The following SLC22A4 variants were observed in gnomAD, a reference collection of about 807,000 sequenced individuals.
SLC22A4 encodes solute carrier family 22 member 4, also known as ET transporter.
A neutral mutation model predicts 56.6 loss-of-function variants in SLC22A4; 39 were observed. That is an observed-to-expected ratio of 0.69 (90% CI 0.53 to 0.90). SLC22A4 has a LOEUF of 0.90. Ranked by LOEUF, SLC22A4 falls within the 40% of genes least tolerant of loss-of-function variation. SLC22A4 has a pLI of 0.00. For synonymous variants in SLC22A4, 241 were observed against 281.4 expected, an observed-to-expected ratio of 0.86 and a Z score of 1.44; for missense variants, 594 against 696.5, an observed-to-expected ratio of 0.85 and a Z score of 1.66.
chr5:132,294,864 G>C lies in SLC22A4; in HGVS notation c.248G>C (p.Arg83Pro). Residue 83 changes from arginine (R) to proline (P), a missense_variant, in exon 1 of 10, where the codon CGC (arginine) becomes CCC (proline). Coordinates refer to ENST00000200652, the MANE Select transcript of SLC22A4 (RefSeq NM_003059.3). This position sits in a 1 kb window ranked among gnomAD's most constrained non-coding sequence, Gnocchi z 5.6. ...CGCGAGGTGCCCCACAGCTGCAGCC[G>C]CTACCGGCTCGCCACCATCGCCAAC... ...DGREVPHSCS[R>P]YRLATIANFS... 6.2e-7 allele frequency: 1 copy of C among 1,607,570 alleles called. No homozygotes were observed. The highest frequency in any genetic ancestry group is 8.5e-7 in the Non-Finnish European group (1 of 1,177,802).
intron 9 of SLC22A4, among the ~76,000 whole-genome samples, chr5:132,342,332 C>G (rs759987114): frequency 6.6e-5 from 10 of 152,202 alleles, no homozygotes; most frequent in Non-Finnish European, 8.8e-5. Context: ...GAAGAAGTCA[C>G]TTCAGTGTCC....
chr5:132,331,527 G>A (rs557769285), intron 5 of SLC22A4, among the ~76,000 whole-genome samples: 1 of 152,108 alleles, frequency 6.6e-6, no homozygotes, highest in Admixed American at 6.5e-5. Context: ...ACAGGGAAGG[G>A]GGTGTTATAT....
intron 5 of SLC22A4, among the ~76,000 whole-genome samples, chr5:132,328,527 C>A (rs1750746597): frequency 6.6e-6 from 1 of 152,094 alleles, no homozygotes; most frequent in Non-Finnish European, 1.5e-5. Context: ...TAATCCTTTG[C>A]CCTTCAAATC....
At chr5:132,336,955 C>T (rs1021963787) in intron 8 of SLC22A4, among the ~76,000 whole-genome samples, 2 of 152,156 alleles carry the variant, frequency 1.3e-5, no homozygotes, top group Non-Finnish European at 2.9e-5. Flanking sequence ...GAAAATCTTA[C>T]TTTTATACTG....
At chr5:132,327,242 G>A in intron 4 of SLC22A4, 35 bp from the exon 5 acceptor site, 1 of 1,477,968 alleles carries the variant, frequency 6.8e-7, no homozygotes. Context: ...CCCTGCTGTT[G>A]TGAAAAATTA....
Position 132,334,709 on chromosome 5 carries a change from T to A in SLC22A4, c.1047-9T>A, listed in dbSNP as rs765506721. On this transcript the variant is annotated splice_polypyrimidine_tract_variant and intron_variant, in intron 6 of 9. Coordinates refer to ENST00000200652, the MANE Select transcript of SLC22A4 (RefSeq NM_003059.3). ...CCATCCCTTTGTCATTTTTACCTTC[T>A]TCTTTCAGGATGCTGACCTCAGTGG... 4.4e-6 allele frequency: 7 copies of A among 1,602,322 alleles called. No individual in the cohort carries two copies. Among genetic ancestry groups the A allele is most frequent in the Non-Finnish European group, 6.0e-6 (7 of 1,169,202 alleles).
intron 2 of SLC22A4, 98 bp from the exon 3 acceptor site, chr5:132,313,516 G>T: frequency 8.6e-7 from 1 of 1,168,234 alleles, no homozygotes; most frequent in South Asian, 1.2e-5. Context: ...CCAGAGCCCT[G>T]AAAAAACACT....
At chr5:132,301,475 G>A (rs1749905727) in intron 1 of SLC22A4, among the ~76,000 whole-genome samples, 1 of 152,198 alleles carries the variant, frequency 6.6e-6, no homozygotes, top group Admixed American at 6.5e-5. Flanking sequence ...TGGTAGTGGA[G>A]TTGATGGAGC....
At chr5:132,332,888 G>A (rs979345637) in intron 6 of SLC22A4, among the ~76,000 whole-genome samples, 1 of 152,122 alleles carries the variant, frequency 6.6e-6, no homozygotes, top group African/African-American at 2.4e-5. Flanking sequence ...TTAAGCAAGT[G>A]TGTCCTAGGT....
At chr5:132,295,567 G>A (rs866798785) in intron 1 of SLC22A4, 1 of 304,966 alleles carries the variant, frequency 3.3e-6, no homozygotes. Flanking sequence ...AGGAAGCACA[G>A]AAGGCGAAAC....
chr5:132,322,839 T>C (rs1750583763), intron 4 of SLC22A4, among the ~76,000 whole-genome samples: 1 of 152,238 alleles, frequency 6.6e-6, no homozygotes, highest in Admixed American at 6.5e-5. Context: ...AGAAAATTAC[T>C]TTTTATTTAA....
chr5:132,318,241 CAT>C (rs1229427417), intron 3 of SLC22A4, among the ~76,000 whole-genome samples: 7 of 152,322 alleles, frequency 4.6e-5, no homozygotes, highest in Non-Finnish European at 8.8e-5. Flanking sequence ...ACTCCCCTGA[CAT>C]GTAGCACATT....
chr5:132,320,201 A>C (rs984995562), intron 3 of SLC22A4, among the ~76,000 whole-genome samples: 1 of 152,184 alleles, frequency 6.6e-6, no homozygotes, highest in African/African-American at 2.4e-5. Context: ...AGAGAGGGAG[A>C]TTATCCAGGA....
At chr5:132,320,142 C>A (rs984440010) in intron 3 of SLC22A4, among the ~76,000 whole-genome samples, 1 of 152,216 alleles carries the variant, frequency 6.6e-6, no homozygotes, top group African/African-American at 2.4e-5. Flanking sequence ...CTGTCCCCAA[C>A]ATGCACTCTG....
At chr5:132,337,790 C>T (rs1751072673) in intron 8 of SLC22A4, among the ~76,000 whole-genome samples, 1 of 150,456 alleles carries the variant, frequency 6.6e-6, no homozygotes, top group Non-Finnish European at 1.5e-5. Context: ...GGCTGGAGTA[C>T]AGTGGCGCAA....
chr5:132,295,085 G>A, intron 1 of SLC22A4, 76 bp downstream of exon 1: 1 of 1,487,996 alleles, frequency 6.7e-7, no homozygotes, highest in Non-Finnish European at 9.2e-7. Context: ...GAGACTCCCT[G>A]CGCAGTGCCC....
At chr5:132,300,511 AG>A (rs1028421362) in intron 1 of SLC22A4, among the ~76,000 whole-genome samples, 5 of 152,220 alleles carry the variant, frequency 3.3e-5, no homozygotes, top group African/African-American at 1.2e-4. Context: ...TCTTCTGAGA[AG>A]AAGAGCTTCC....
rs1284231620 is a variant in SLC22A4 at position 132,336,129 on chromosome 5, C to G, written c.1444+129C>G. On this transcript the variant is annotated intron_variant, in intron 8 of 9. Transcript: ENST00000200652. The stretch of plus-strand genomic sequence containing the variant: ...AAAGTACAAGTTCACCTCTCCTCTC[C>G]CAGGAGGAGCTCTAGAAAGCCAATC... The G allele has an allele frequency of 5.7e-5, 53 of 921,900 alleles. 1 individual carries two copies. In the South Asian group the frequency reaches 7.1e-4, roughly 12 times the overall value. 57.1% of individuals were successfully genotyped at this position (921,900 alleles called of 1,614,324 possible). A position where few individuals can be genotyped will look rare whatever the true frequency, so the allele number is the denominator to read the frequency against.
chr5:132,321,496 G>C (rs1412537786), intron 3 of SLC22A4, among the ~76,000 whole-genome samples: 1 of 152,196 alleles, frequency 6.6e-6, no homozygotes, highest in Non-Finnish European at 1.5e-5. Context: ...GCCACTGCTT[G>C]TCTCCTGAAA....
Sources: allele counts gnomAD v4.1 joint callset (sites outside exome capture counted in the v4.1 genomes callset), GRCh38; gene constraint gnomAD v4.1.1; non-coding constraint Gnocchi (gnomAD v3.1); transcripts MANE v1.5; gene names NCBI Gene and HGNC (gene_info 2026-07-23, HGNC 2026-07-21).